The following GUK1 variants were observed in gnomAD, a reference collection of about 807,000 sequenced individuals.
GUK1 encodes guanylate kinase.
Under a neutral mutation model 25.2 loss-of-function variants are expected in GUK1, and 18 were observed. The observed-to-expected ratio is 0.71, with a 90% CI of 0.49 to 1.06. The LOEUF is 1.06. Among genes scored for constraint, GUK1 ranks in the 50% least tolerant of loss-of-function variants. GUK1 has a pLI of 0.00. For missense variants in GUK1, 261 were observed against 276.7 expected (o/e 0.94, Z 0.40); for synonymous variants, 105 against 117.6 (o/e 0.89, Z 0.69).
chr1:228,148,049 G>C, intron 7 of GUK1: 1 of 576,768 alleles, frequency 1.7e-6, no homozygotes, highest in Middle Eastern at 4.6e-4. Context: ...TCTTCTCTGG[G>C]TCTGACTGCA....
Position 228,148,825 on chromosome 1 carries a change from C to A in GUK1, c.*128C>A. ...AGCATGTGGAGTGGAGGAGATGCTG[C>A]CCCTGTGGTTGGAACATCCTGGGGT... On this transcript the variant is annotated 3_prime_UTR_variant, in exon 9 of 9. Transcript: ENST00000312726. 6.4e-7 allele frequency: 1 copy of A among 1,563,394 alleles called. No individual in the cohort carries two copies. The highest frequency in any genetic ancestry group is 8.7e-7 in the Non-Finnish European group (1 of 1,153,654).
At position 228,147,487 on chromosome 1, in the gene GUK1, G is replaced by C. The variant is rs376785107; in HGVS notation, c.333G>C (p.Lys111Asn). The C allele has an allele frequency of 4.3e-6, 7 of 1,613,186 alleles. No homozygotes were observed. The African/African-American group carries it at 6.7e-5, about 15-fold the overall frequency. ...ACCTGCAGGGTGTGCGGAACATCAA[G>C]GCCACCGATCTGCGGCCCATCTACA... Residue 111 changes from lysine to asparagine, a missense_variant, in exon 6 of 9, where the codon AAG (lysine) becomes AAC (asparagine). By Grantham distance (94) the Lys-to-Asn change is moderately conservative. Transcript: ENST00000312726.
chr1:228,148,929 T>C lies in GUK1; in HGVS notation c.*232T>C, dbSNP rs2034556936. The C allele has an allele frequency of 4.4e-6, 5 of 1,132,326 alleles. No homozygotes were observed. The allele number at this position is 1,132,326 out of a possible 1,614,324, so 70.1% of individuals were successfully genotyped here. A position where few individuals can be genotyped will look rare whatever the true frequency, so the allele number is the denominator to read the frequency against. On this transcript the variant is annotated 3_prime_UTR_variant, in exon 9 of 9. Transcript: ENST00000312726. ...ACCCAGGGCTGACATCCTAATAAAA[T>C]AACTGTTGGATTAGAAACTCCATAA...
chr1:228,145,476 G>T, intron 2 of GUK1, 35 bp from the exon 2 acceptor site: 2 of 1,564,620 alleles, frequency 1.3e-6, no homozygotes, highest in African/African-American at 1.3e-5. Flanking sequence ...ACTAGAGGCC[G>T]CACTGCTATC....
chr1:228,146,273 G>C (rs1291381573), intron 4 of GUK1: 3 of 572,690 alleles, frequency 5.2e-6, no homozygotes, highest in Non-Finnish European at 6.3e-6. Flanking sequence ...CAGTGTGAGA[G>C]GCCGGCCAAG....
At chr1:228,145,051 CA>C in intron 2 of GUK1, 1 of 157,204 alleles carries the variant, frequency 6.4e-6, no homozygotes, top group South Asian at 1.8e-4. Context: ...CAGCACTCAG[CA>C]CCATGCATGG....
intron 2 of GUK1, chr1:228,144,702 G>C (rs1307336454): frequency 3.0e-6 from 3 of 984,800 alleles, no homozygotes; most frequent in African/African-American, 3.5e-5. Flanking sequence ...TCTCAGTCCA[G>C]CAGACAGACC....
rs2034555858 is a variant in GUK1, at chr1:228,148,897, A to T, written c.*200A>T. The T allele has an allele frequency of 7.5e-7, 1 of 1,332,298 alleles. No individual in the cohort carries two copies. The highest frequency in any genetic ancestry group is 1.0e-6 in the Non-Finnish European group (1 of 969,114). The allele number at this position is 1,332,298 out of a possible 1,614,324, so 82.5% of individuals were successfully genotyped here. On this transcript the variant is annotated 3_prime_UTR_variant, in exon 9 of 9. Transcript: ENST00000312726. ...GGGCTGTCCCCTGTCCCTATCTCTC[A>T]CTCTGGACCCAGGGCTGACATCCTA...
Position 228,141,798 on chromosome 1 carries a change from C to G in GUK1, c.-3+510C>G, listed in dbSNP as rs753414149. The G allele has an allele frequency of 1.6e-5, 20 of 1,256,626 alleles. 1 individual carries two copies. In the Admixed American group the frequency reaches 4.6e-4, roughly 29 times the overall value. The allele number at this position is 1,256,626 out of a possible 1,614,324, so 77.8% of individuals were successfully genotyped here. On this transcript the variant is annotated intron_variant, in intron 2 of 8. Transcript: ENST00000312726. ...GCGGCTCCCAGGAGACCTTCCATCT[C>G]GGAGCTCCTGTGGAGACCACGTGCC...
intron 4 of GUK1, 133 bp from the exon 4 acceptor site, chr1:228,146,709 C>A: frequency 1.5e-6 from 1 of 673,146 alleles, no homozygotes; most frequent in African/African-American, 1.8e-5. Flanking sequence ...TGTCTCCTGC[C>A]CAGCAAGGAT....
chr1:228,148,948 T>A lies in GUK1; in HGVS notation c.*251T>A. The A allele has an allele frequency of 9.9e-7, 1 of 1,010,778 alleles. No individual in the cohort carries two copies. The highest frequency in any genetic ancestry group is 1.4e-6 in the Non-Finnish European group (1 of 712,948). 62.6% of individuals were successfully genotyped at this position (1,010,778 alleles called of 1,614,324 possible). A position where few individuals can be genotyped will look rare whatever the true frequency, so the allele number is the denominator to read the frequency against. On this transcript the variant is annotated 3_prime_UTR_variant, in exon 9 of 9. Transcript: ENST00000312726. ...ATAAAATAACTGTTGGATTAGAAAC[T>A]CCATAAATGAGTGGAATGTGGCCCC... is the stretch of plus-strand genomic sequence containing the variant.
intron 3 of GUK1, 192 bp downstream of exon 2, chr1:228,145,816 C>T: frequency 1.4e-6 from 1 of 733,264 alleles, no homozygotes. Context: ...CTGTGTCTCC[C>T]TTCCCTGGGT....
chr1:228,146,221 C>G (rs1001174678), intron 4 of GUK1, 154 bp downstream of exon 3: 2 of 616,776 alleles, frequency 3.2e-6, no homozygotes, highest in East Asian at 5.5e-5. Flanking sequence ...TGAACTCAAT[C>G]AGGGTGTCAG....
At chr1:228,148,560 C>T in intron 8 of GUK1, 104 bp downstream of exon 7, 1 of 1,371,266 alleles carries the variant, frequency 7.3e-7, no homozygotes, top group South Asian at 1.3e-5. Flanking sequence ...ACAGTCCTAC[C>T]CAAGCACTGG....
chr1:228,140,151 G>A (rs967924927), upstream of GUK1: 3 of 644,406 alleles, frequency 4.7e-6, no homozygotes, highest in Admixed American at 3.0e-5. Context: ...GGGCTAGCGA[G>A]GCACTGAGGT....
Position 228,140,382 on chromosome 1 carries a change from A to C in GUK1, c.-168+19A>C. On this transcript the variant is annotated intron_variant, in intron 1 of 8. Coordinates refer to ENST00000312726, the MANE Select transcript of GUK1 (RefSeq NM_000858.7). ...CCGGACGGTGAGTACGACAAGCGCG[A>C]TCGCGAGGGTGACTCGGGTCGAGGC... 1 of 1,495,534 alleles carries C rather than the reference A, an allele frequency of 6.7e-7. No homozygotes were observed. Among genetic ancestry groups the C allele is most frequent in the South Asian group, 1.2e-5 (1 of 80,306 alleles). The allele number at this position is 1,495,534 out of a possible 1,614,324, so 92.6% of individuals were successfully genotyped here. A position where few individuals can be genotyped will look rare whatever the true frequency, so the allele number is the denominator to read the frequency against.
chr1:228,141,270 A>C lies in GUK1; in HGVS notation c.-21A>C. 1.0e-6 allele frequency: 1 copy of C among 984,680 alleles called. No homozygotes were observed. The highest frequency in any genetic ancestry group is 1.2e-6 in the Non-Finnish European group (1 of 829,142). The allele number at this position is 984,680 out of a possible 1,614,324, so 61.0% of individuals were successfully genotyped here. On this transcript the variant is annotated 5_prime_UTR_variant, in exon 2 of 9. Transcript: ENST00000312726. ...CTTCACTCCTCTGTGGCTCTGGAAG[A>C]GCCCGATTTCCTCAGGAGGTAAAGG...
At chr1:228,143,491 T>C (rs1017554014) in intron 2 of GUK1, among the ~76,000 whole-genome samples, 5 of 152,232 alleles carry the variant, frequency 3.3e-5, no homozygotes, top group Non-Finnish European at 5.9e-5. Context: ...GTGTAGCAAT[T>C]GCTGGATGTG....
intron 2 of GUK1, among the ~76,000 whole-genome samples, chr1:228,142,686 G>C (rs779221221): frequency 5.9e-5 from 9 of 152,218 alleles, no homozygotes; most frequent in Admixed American, 3.9e-4. Context: ...TGCTGCTTGC[G>C]AGGAAAGGGG....
Sources: allele counts gnomAD v4.1 joint callset (sites outside exome capture counted in the v4.1 genomes callset), GRCh38; gene constraint gnomAD v4.1.1; transcripts MANE v1.5; gene names NCBI Gene and HGNC (gene_info 2026-07-23, HGNC 2026-07-21).